PRH1: variants seen among roughly 807,000 people sequenced by gnomAD.
PRH1 encodes the protein proline rich protein HaeIII subfamily 1, also known as salivary acidic proline-rich phosphoprotein 1/2.
PRH1 carries 7 observed loss-of-function variants against 7.9 expected under a neutral mutation model. The observed-to-expected ratio is 0.89, with a 90% confidence interval of 0.50 to 1.67. The LOEUF is 1.67. Ranked by LOEUF, PRH1 falls within the 40% of genes most tolerant of loss-of-function variation. The probability of loss-of-function intolerance (pLI) is 0.00; values close to 1 mark genes in which losing one functional copy is unlikely to be tolerated. For synonymous variants in PRH1, 45 were observed against 80.8 expected (o/e 0.56, Z 2.38); for missense variants, 109 against 223.6 (o/e 0.49, Z 3.27).
chr12:11,077,569 A>T (rs1222764034), intron 1 of PRH1: 1 of 1,272,432 alleles, frequency 7.9e-7, no homozygotes. Flanking sequence ...CAAAGCTTTT[A>T]TGTGGACCTT....
intron 2 of PRH1, among the ~76,000 whole-genome samples, chr12:10,952,658 C>A (rs1009047200): frequency 6.6e-6 from 1 of 152,150 alleles, no homozygotes; most frequent in Admixed American, 6.5e-5. Context: ...TAAAATCATA[C>A]AATTGCAATT....
At chr12:11,129,777 C>G (rs913966950) in intron 1 of PRH1, among the ~76,000 whole-genome samples, 1 of 152,292 alleles carries the variant, frequency 6.6e-6, no homozygotes, top group Non-Finnish European at 1.5e-5. Context: ...CACTGCTTCA[C>G]TGTTGTATGT....
chr12:11,020,363 G>GATATATCTATATCTATATATATATAT (rs1941545453), intron 1 of PRH1, among the ~76,000 whole-genome samples: 1 of 87,584 alleles, frequency 1.1e-5, no homozygotes, highest in Non-Finnish European at 2.3e-5. Flanking sequence ...TATGATAAGC[G>GATATATCTATATCTATATATATATAT]ATATATATAT....
chr12:11,071,247 A>G (rs1310701327), intron 1 of PRH1, among the ~76,000 whole-genome samples: 1 of 151,650 alleles, frequency 6.6e-6, no homozygotes, highest in East Asian at 1.9e-4. Flanking sequence ...GAATTACCTA[A>G]GGACTTTCAT....
chr12:11,081,242 A>G (rs2136232716), intron 1 of PRH1, among the ~76,000 whole-genome samples: 1 of 141,528 alleles, frequency 7.1e-6, no homozygotes, highest in South Asian at 2.1e-4. Flanking sequence ...TCTCTCTTCT[A>G]CTGCATCTAA....
chr12:10,932,269 T>C, intron 2 of PRH1: 1 of 423,522 alleles, frequency 2.4e-6, no homozygotes, highest in Non-Finnish European at 4.9e-6. Context: ...CCTTGAAACA[T>C]AATGTGATCA....
At chr12:11,159,245 G>A in intron 1 of PRH1, 1 of 151,530 alleles carries the variant, frequency 6.6e-6, no homozygotes, top group Admixed American at 6.6e-5. Context: ...ACTCACTAAT[G>A]GCATTGGACA....
chr12:11,066,471 T>G (rs1943818491), intron 1 of PRH1, among the ~76,000 whole-genome samples: 1 of 151,974 alleles, frequency 6.6e-6, no homozygotes, highest in African/African-American at 2.4e-5. Context: ...AAGCAATATA[T>G]TGTAAAATAA....
At chr12:11,073,196 A>C (rs1944154279) in intron 1 of PRH1, among the ~76,000 whole-genome samples, 1 of 120,214 alleles carries the variant, frequency 8.3e-6, no homozygotes, top group African/African-American at 2.8e-5. Flanking sequence ...CACTGGTGCC[A>C]TCTCGGCTCA....
At chr12:11,057,245 AC>A (rs1361436292) in intron 1 of PRH1, among the ~76,000 whole-genome samples, 1 of 152,200 alleles carries the variant, frequency 6.6e-6, no homozygotes, top group Non-Finnish European at 1.5e-5. Context: ...GGATTCTCCC[AC>A]CTTGGCCTCC....
chr12:11,017,788 G>A (rs1033351353), intron 1 of PRH1, among the ~76,000 whole-genome samples: 17 of 151,894 alleles, frequency 1.1e-4, no homozygotes, highest in African/African-American at 3.4e-4. Context: ...CCACCATGCC[G>A]AGCAGAAACA....
intron 2 of PRH1, among the ~76,000 whole-genome samples, chr12:10,914,996 C>G (rs1418387396): frequency 1.3e-5 from 2 of 152,094 alleles, no homozygotes; most frequent in East Asian, 3.9e-4. Context: ...GGCATGGTGG[C>G]GGGCACCTGT....
chr12:10,948,574 C>T (rs1304707311), intron 2 of PRH1, among the ~76,000 whole-genome samples: 3 of 152,092 alleles, frequency 2.0e-5, no homozygotes, highest in African/African-American at 7.2e-5. Context: ...TTTTGTCTTC[C>T]TCCCAAATCT....
chr12:10,939,581 A>T lies in PRH1; in HGVS notation c.-59+34074T>A, dbSNP rs1357668908. ...TTTTTTTTTTTTTTGTCTTATCTAC[A>T]TACTTCAGTCTGTCAAATTGAGTTC... On this transcript the variant is annotated intron_variant, in intron 2 of 3. Transcript: ENST00000539853. 4.9e-5 allele frequency among the ~76,000 whole-genome samples: 7 copies of T among 142,716 alleles called. No individual in the cohort carries two copies. The South Asian group carries it at 8.8e-4, about 18-fold the overall frequency. 93.6% of individuals were successfully genotyped at this position (142,716 alleles called of 152,430 possible).
At chr12:10,978,805 A>G (rs993530104) in intron 1 of PRH1, among the ~76,000 whole-genome samples, 2 of 152,222 alleles carry the variant, frequency 1.3e-5, no homozygotes, top group African/African-American at 4.8e-5. Context: ...GCCAACAAGC[A>G]TATGAAAAAA....
intron 1 of PRH1, among the ~76,000 whole-genome samples, chr12:11,073,924 C>T (rs1944189206): frequency 7.7e-6 from 1 of 130,070 alleles, no homozygotes; most frequent in Non-Finnish European, 1.8e-5. Context: ...AAGTGCAGAA[C>T]ATTAATCCAA....
chr12:11,030,460 T>G, intron 1 of PRH1: 1 of 1,614,268 alleles, frequency 6.2e-7, no homozygotes, highest in Non-Finnish European at 8.5e-7. Context: ...GCCGCAAAAC[T>G]GAAAGAAAAG....
chr12:11,062,130 T>C, intron 1 of PRH1: 1 of 1,613,686 alleles, frequency 6.2e-7, no homozygotes, highest in Non-Finnish European at 8.5e-7. Context: ...GTAAACCAAC[T>C]CTGGAGACTG....
chr12:10,951,134 AC>A (rs1240976625), intron 2 of PRH1, among the ~76,000 whole-genome samples: 1 of 152,172 alleles, frequency 6.6e-6, no homozygotes, highest in Non-Finnish European at 1.5e-5. Context: ...TACTATTTAA[AC>A]AACGTCTCTT....
Sources: gnomAD v4.1 joint callset for allele counts (sites outside exome capture counted in the v4.1 genomes callset) on GRCh38, gnomAD v4.1.1 for gene constraint, MANE v1.5 for transcripts, NCBI Gene and HGNC (gene_info 2026-07-23, HGNC 2026-07-21) for gene names.